The following BCL2L11 variants were observed in gnomAD, a reference collection of about 807,000 sequenced individuals.
BCL2L11 encodes the protein BCL2 like 11.
In BCL2L11, 15 loss-of-function variants were observed where a neutral mutation model predicts 20.6. That is an observed-to-expected ratio of 0.73 (90% CI 0.49 to 1.12). The LOEUF is 1.12. Ranked by LOEUF, BCL2L11 falls within the 50% of genes most tolerant of loss-of-function variation. BCL2L11 has a pLI of 0.00. For missense variants in BCL2L11, 292 were observed against 260.9 expected, an observed-to-expected ratio of 1.12 and a Z score of -0.82; for synonymous variants, 108 against 92.8, an observed-to-expected ratio of 1.16 and a Z score of -0.94.
intron 2 of BCL2L11, among the ~76,000 whole-genome samples, chr2:111,127,053 A>C (rs2072781495): frequency 1.3e-5 from 2 of 152,130 alleles, no homozygotes; most frequent in Non-Finnish European, 2.9e-5. Context: ...AAGTTCAAGG[A>C]ATATATTTCT....
intron 3 of BCL2L11, among the ~76,000 whole-genome samples, chr2:111,152,286 A>G (rs571054667): frequency 8.5e-5 from 13 of 152,272 alleles, no homozygotes; most frequent in Non-Finnish European, 1.5e-4. Flanking sequence ...TCTGCCTTAG[A>G]TGGGGCTGCC....
chr2:111,139,663 T>C (rs2150390075), intron 2 of BCL2L11, among the ~76,000 whole-genome samples: 1 of 152,284 alleles, frequency 6.6e-6, no homozygotes, highest in East Asian at 1.9e-4. Flanking sequence ...TTTCACACAC[T>C]ATGAGGTAGC....
intron 1 of BCL2L11, chr2:111,122,736 GGCGGGCTGGCGGGAAGGC>G: frequency 1.0e-6 from 1 of 984,142 alleles, no homozygotes; most frequent in Non-Finnish European, 1.2e-6. Context: ...GGAGCGCGGC[GGCGGGCTGGCGGGAAGGC>G]GCGGGCTTTG....
intron 2 of BCL2L11, among the ~76,000 whole-genome samples, chr2:111,141,411 A>C (rs1194077771): frequency 6.6e-6 from 1 of 150,996 alleles, no homozygotes; most frequent in East Asian, 2.0e-4. Flanking sequence ...AACTATTGCA[A>C]GAACAAAAAA....
At chr2:111,149,118 C>T (rs890469919) in intron 2 of BCL2L11, among the ~76,000 whole-genome samples, 4 of 152,182 alleles carry the variant, frequency 2.6e-5, no homozygotes, top group African/African-American at 4.8e-5. Context: ...ATTTCCTGTA[C>T]ACGTTACTGA....
In BCL2L11 at chr2:111,166,987, CTG is replaced by C. The variant is rs1293603153; in HGVS notation, c.*2758_*2759del. 6.6e-6 allele frequency: 1 copy of C among 151,722 alleles called. No individual in the cohort carries two copies. Among genetic ancestry groups the C allele is most frequent in the Non-Finnish European group, 1.5e-5 (1 of 68,032 alleles). 9.4% of individuals were successfully genotyped at this position (151,722 alleles called of 1,614,324 possible). A position where few individuals can be genotyped will look rare whatever the true frequency, so the allele number is the denominator to read the frequency against. On this transcript the variant is annotated 3_prime_UTR_variant, in exon 4 of 4. Transcript: ENST00000393256. Reference sequence around the variant, plus strand: ...ACAGCATAAATAAGTAAAAAAATCACTGTTTTTCTCAACTTTTTCAAAATCAA... The same window carrying C: ...ACAGCATAAATAAGTAAAAAAATCACTTTTTCTCAACTTTTTCAAAATCAA...
At chr2:111,151,759 C>A in intron 3 of BCL2L11, 1 of 1,319,250 alleles carries the variant, frequency 7.6e-7, no homozygotes, top group Non-Finnish European at 1.1e-6. Context: ...AGTAATGATT[C>A]TGTTGTAAAA....
chr2:111,121,084 G>A lies in BCL2L11; in HGVS notation c.-118G>A, dbSNP rs937155485. 7 of 325,520 alleles carry A rather than the reference G, an allele frequency of 2.2e-5. No individual in the cohort carries two copies. Among genetic ancestry groups the A allele is most frequent in the Non-Finnish European group, 3.9e-5 (7 of 179,544 alleles). The allele number at this position is 325,520 out of a possible 1,614,324, so 20.2% of individuals were successfully genotyped here. On this transcript the variant is annotated 5_prime_UTR_variant, in exon 1 of 4. Transcript: ENST00000393256. Reference sequence around the variant, plus strand: ...CCTGCCACACTGCGATCGCATCATCGCGGTATTCGGTTCGCTGCGTTCCCG... The same window carrying A: ...CCTGCCACACTGCGATCGCATCATCACGGTATTCGGTTCGCTGCGTTCCCG...
At chr2:111,128,628 A>G (rs1406848135) in intron 2 of BCL2L11, 3 of 1,480,902 alleles carry the variant, frequency 2.0e-6, no homozygotes, top group Non-Finnish European at 1.8e-6. Context: ...TTTTAACAGT[A>G]GTCATCCTAG....
chr2:111,128,895 A>C lies in BCL2L11; in HGVS notation c.394+4756A>C. The C allele has an allele frequency of 3.8e-6, 5 of 1,308,156 alleles. 1 individual carries two copies. The highest frequency in any genetic ancestry group is 5.1e-6 in the Non-Finnish European group (5 of 986,402). The allele number at this position is 1,308,156 out of a possible 1,614,324, so 81.0% of individuals were successfully genotyped here. On this transcript the variant is annotated intron_variant, in intron 2 of 3. Transcript: ENST00000393256. Reference sequence around the variant, plus strand: ...TTAAACATGGCTACTAGAAAAATGCACAATTAGATTTGTGGCTGGTGTTCT... The same window carrying C: ...TTAAACATGGCTACTAGAAAAATGCCCAATTAGATTTGTGGCTGGTGTTCT...
intron 2 of BCL2L11, among the ~76,000 whole-genome samples, chr2:111,126,246 A>G (rs995837227): frequency 2.0e-5 from 3 of 152,184 alleles, no homozygotes; most frequent in Non-Finnish European, 4.4e-5. Flanking sequence ...ATACTATTTT[A>G]CAAGCTAATT....
chr2:111,151,710 T>C, intron 3 of BCL2L11: 1 of 874,368 alleles, frequency 1.1e-6, no homozygotes, highest in Non-Finnish European at 1.9e-6. Flanking sequence ...ACATCGGATC[T>C]TCCTACCTTT....
intron 1 of BCL2L11, chr2:111,122,960 C>G (rs1159284431): frequency 6.1e-6 from 6 of 985,398 alleles, no homozygotes; most frequent in Non-Finnish European, 7.2e-6. Context: ...AGGGGAGGGT[C>G]TGTGGGATGA....
intron 3 of BCL2L11, among the ~76,000 whole-genome samples, chr2:111,162,089 G>A (rs939042935): frequency 2.0e-5 from 3 of 152,184 alleles, no homozygotes; most frequent in Non-Finnish European, 4.4e-5. Flanking sequence ...ACAGAGGTAG[G>A]GGCTGCCCAT....
At chr2:111,154,191 C>CAAAA (rs1196176658) in intron 3 of BCL2L11, among the ~76,000 whole-genome samples, 1 of 152,136 alleles carries the variant, frequency 6.6e-6, no homozygotes, top group Non-Finnish European at 1.5e-5. Context: ...TACTGCTTTT[C>CAAAA]CTACACTAAA....
intron 3 of BCL2L11, 68 bp from the exon 4 acceptor site, chr2:111,164,065 A>G (rs536338054): frequency 1.4e-5 from 13 of 923,298 alleles, no homozygotes; most frequent in East Asian, 2.4e-5. Context: ...TCACTTAAAT[A>G]TGGGCTCCCA....
intron 2 of BCL2L11, chr2:111,132,251 G>C (rs1206973813): frequency 6.6e-6 from 1 of 152,176 alleles, no homozygotes; most frequent in East Asian, 1.9e-4. Context: ...CATGATTCTG[G>C]TTTTCTGGGA....
intron 1 of BCL2L11, chr2:111,123,402 ACTT>A: frequency 1.0e-6 from 1 of 985,412 alleles, no homozygotes; most frequent in Non-Finnish European, 1.2e-6. Flanking sequence ...GGAGTTTCTG[ACTT>A]ACTCGAAGAA....
In BCL2L11 at chr2:111,123,900, G is replaced by A. The variant is rs759304312; in HGVS notation, c.155G>A (p.Gly52Glu). The A allele has an allele frequency of 3.1e-6, 5 of 1,611,882 alleles. No individual in the cohort carries two copies. Among genetic ancestry groups the A allele is most frequent in the Admixed American group, 1.7e-5 (1 of 59,540 alleles). The change falls in exon 2 of 4, where the codon GGG (glycine) becomes GAG (glutamate). Residue 52 changes from glycine to glutamate, a missense_variant. By Grantham distance (98) the Gly-to-Glu change is moderately conservative (BLOSUM62 -2). Coordinates refer to ENST00000393256, the MANE Select transcript of BCL2L11 (RefSeq NM_138621.5). ...GNPEGNHGGE[G>E]DSCPHGSPQG... ...CCTGAAGGCAATCACGGAGGTGAAG[G>A]GGACAGCTGCCCCCACGGCAGCCCT...
Sources: gnomAD v4.1 joint callset for allele counts (sites outside exome capture counted in the v4.1 genomes callset) on GRCh38, gnomAD v4.1.1 for gene constraint, MANE v1.5 for transcripts, NCBI Gene and HGNC (gene_info 2026-07-23, HGNC 2026-07-21) for gene names.